CSMD1: variants seen among roughly 807,000 people sequenced by gnomAD.
CSMD1 encodes CUB and sushi domain-containing protein 1.
Under a neutral mutation model 417.5 loss-of-function variants are expected in CSMD1, and 213 were observed. That is an observed-to-expected ratio of 0.51 (90% CI 0.46 to 0.57). CSMD1 has a LOEUF of 0.57. Among genes scored for constraint, CSMD1 ranks in the 20% least tolerant of loss-of-function variants. The probability of loss-of-function intolerance (pLI) is 0.00; values close to 1 mark genes in which losing one functional copy is unlikely to be tolerated. For missense variants in CSMD1, 6,923 were observed against 4,529.7 expected (o/e 1.53, Z -15.17); for synonymous variants, 2,862 against 1,736.8 (o/e 1.65, Z -16.11).
At chr8:4,429,062 C>G (rs1447362379) in intron 2 of CSMD1, among the ~76,000 whole-genome samples, 1 of 151,872 alleles carries the variant, frequency 6.6e-6, no homozygotes, top group Non-Finnish European at 1.5e-5. Flanking sequence ...TTACAGTGTA[C>G]AATACAATGT....
Position 4,349,777 on chromosome 8 carries a change from T to C in CSMD1, c.415+70176A>G, listed in dbSNP as rs951068888. 2.0e-5 allele frequency among the ~76,000 whole-genome samples: 3 copies of C among 152,006 alleles called. No individual in the cohort carries two copies. The East Asian group carries it at 5.8e-4, about 29-fold the overall frequency. ...CAAATGAATCTTTCCTCCATTAAGA[T>C]ATTTATTTGTCTCAATTGCTTAAAA... is the stretch of plus-strand genomic sequence containing the variant. On this transcript the variant is annotated intron_variant, in intron 3 of 69. Coordinates refer to ENST00000635120, the MANE Select transcript of CSMD1 (RefSeq NM_033225.6).
chr8:4,510,417 A>AAAAAAAAAAG (rs1802757327), intron 2 of CSMD1, among the ~76,000 whole-genome samples: 1 of 110,088 alleles, frequency 9.1e-6, no homozygotes, highest in African/African-American at 3.2e-5. Context: ...AAAAAAAAAA[A>AAAAAAAAAAG]AAAAAGCAAA....
intron 3 of CSMD1, among the ~76,000 whole-genome samples, chr8:4,216,670 G>A (rs1029891670): frequency 6.6e-6 from 1 of 152,104 alleles, no homozygotes; most frequent in Non-Finnish European, 1.5e-5. Flanking sequence ...TGAGTGAAGG[G>A]AAGCTTCTCA....
At chr8:4,949,722 G>C (rs1042801780) in intron 1 of CSMD1, among the ~76,000 whole-genome samples, 8 of 152,120 alleles carry the variant, frequency 5.3e-5, no homozygotes, top group African/African-American at 1.9e-4. Context: ...TTGGGTTACA[G>C]TTTTCTAAAA....
intron 3 of CSMD1, among the ~76,000 whole-genome samples, chr8:4,096,477 A>T (rs1021927420): frequency 1.3e-5 from 2 of 152,194 alleles, no homozygotes; most frequent in Admixed American, 1.3e-4. Context: ...CTTTGAGGCA[A>T]TCCCCATAGG....
intron 12 of CSMD1, among the ~76,000 whole-genome samples, chr8:3,422,240 A>AGC (rs1397238000): frequency 6.6e-6 from 1 of 152,104 alleles, no homozygotes; most frequent in African/African-American, 2.4e-5. Flanking sequence ...GGCTGGACTC[A>AGC]CACTTAGCCA....
intron 3 of CSMD1, among the ~76,000 whole-genome samples, chr8:4,109,206 G>A (rs995793380): frequency 6.6e-6 from 1 of 152,056 alleles, no homozygotes; most frequent in African/African-American, 2.4e-5. Flanking sequence ...AAAAAATCCT[G>A]AATATTTTCG....
At chr8:3,675,225 G>A (rs562331567) in intron 7 of CSMD1, among the ~76,000 whole-genome samples, 2 of 152,148 alleles carry the variant, frequency 1.3e-5, no homozygotes, top group African/African-American at 2.4e-5. Flanking sequence ...TGTTCTCCTT[G>A]CAGCACCTGT....
At chr8:4,257,254 T>A (rs1040354497) in intron 3 of CSMD1, among the ~76,000 whole-genome samples, 1 of 152,214 alleles carries the variant, frequency 6.6e-6, no homozygotes, top group African/African-American at 2.4e-5. Flanking sequence ...ATTTTAATTT[T>A]ATTATACCAG....
intron 2 of CSMD1, among the ~76,000 whole-genome samples, chr8:4,574,202 TGTCTGAACAGCTGCCGA>T (rs1174957408): frequency 6.6e-6 from 1 of 152,168 alleles, no homozygotes; most frequent in African/African-American, 2.4e-5. Flanking sequence ...GCTCGGTATC[TGTCTGAACAGCTGCCGA>T]GTTTTTTCCT....
chr8:4,571,708 G>T (rs1041680800), intron 2 of CSMD1, among the ~76,000 whole-genome samples: 2 of 152,150 alleles, frequency 1.3e-5, no homozygotes, highest in Non-Finnish European at 2.9e-5. Flanking sequence ...TCTTTGATCT[G>T]TCTAGTATTG....
chr8:4,415,489 G>T lies in CSMD1; in HGVS notation c.415+4464C>A, dbSNP rs139230177. Among the ~76,000 whole-genome samples, 417 of 152,092 alleles carry T rather than the reference G, an allele frequency of 2.7e-3. 2 individuals carry two copies. The highest frequency in any genetic ancestry group is 4.7e-3 in the Non-Finnish European group (321 of 67,978). On this transcript the variant is annotated intron_variant, in intron 3 of 69. Coordinates refer to ENST00000635120, the MANE Select transcript of CSMD1 (RefSeq NM_033225.6). Reference sequence around the variant, plus strand: ...GCCCACTCTGTGATGGCCTCTACATGGCCCACGTAGACCTGCTCTTTCCCT... The same window carrying T: ...GCCCACTCTGTGATGGCCTCTACATTGCCCACGTAGACCTGCTCTTTCCCT...
intron 3 of CSMD1, among the ~76,000 whole-genome samples, chr8:4,135,234 G>A (rs1339169451): frequency 6.6e-6 from 1 of 151,786 alleles, no homozygotes; most frequent in African/African-American, 2.4e-5. Context: ...CTGTCCCATG[G>A]GAATATATTT....
At chr8:3,941,386 G>C (rs2259039) in intron 5 of CSMD1, among the ~76,000 whole-genome samples, 51,323 of 151,880 alleles carry the variant, frequency 0.34, 9,446 homozygotes, top group Admixed American at 0.43. Flanking sequence ...AGTAATTTTT[G>C]ATTTCTCAAA....
At chr8:3,914,117 A>T (rs1231058017) in intron 5 of CSMD1, among the ~76,000 whole-genome samples, 1 of 152,204 alleles carries the variant, frequency 6.6e-6, no homozygotes, top group Non-Finnish European at 1.5e-5. Context: ...CTTCAGCGTT[A>T]GAATTTTATA....
chr8:3,525,609 G>A (rs577952405), intron 10 of CSMD1, among the ~76,000 whole-genome samples: 2 of 152,254 alleles, frequency 1.3e-5, no homozygotes, highest in South Asian at 2.1e-4. Flanking sequence ...GGAGGGCATC[G>A]TATCTTCAAA....
At chr8:3,720,986 A>ATTT (rs112727270) in intron 6 of CSMD1, among the ~76,000 whole-genome samples, 74 of 151,228 alleles carry the variant, frequency 4.9e-4, no homozygotes, top group African/African-American at 1.7e-3. Flanking sequence ...CGGCTAATTT[A>ATTT]TTTTTTTTGT....
intron 54 of CSMD1, among the ~76,000 whole-genome samples, chr8:2,995,964 C>G (rs568996451): frequency 6.6e-6 from 1 of 152,266 alleles, no homozygotes; most frequent in African/African-American, 2.4e-5. Flanking sequence ...AATGGACATT[C>G]TCCATCTTGA....
At chr8:3,982,863 C>T (rs556380482) in intron 5 of CSMD1, among the ~76,000 whole-genome samples, 2 of 152,294 alleles carry the variant, frequency 1.3e-5, no homozygotes, top group Admixed American at 1.3e-4. Flanking sequence ...ATACCAAGGA[C>T]AAAGCTAAAC....
Sources: allele counts gnomAD v4.1 joint callset (sites outside exome capture counted in the v4.1 genomes callset), GRCh38; gene constraint gnomAD v4.1.1; transcripts MANE v1.5; gene names NCBI Gene and HGNC (gene_info 2026-07-23, HGNC 2026-07-21).